RBM19: variants seen among roughly 807,000 people sequenced by gnomAD.
The protein encoded by RBM19 is RNA binding motif protein 19.
Under a neutral mutation model 116.8 loss-of-function variants are expected in RBM19, and 94 were observed. That is an observed-to-expected ratio of 0.80 (90% CI 0.68 to 0.95). The LOEUF is 0.95. RBM19 is among the 40% of genes least tolerant of loss of function. RBM19 has a pLI of 0.00. For synonymous variants in RBM19, 475 were observed against 494.1 expected, an observed-to-expected ratio of 0.96 and a Z score of 0.51; for missense variants, 1,161 against 1,220.7, an observed-to-expected ratio of 0.95 and a Z score of 0.73.
intron 21 of RBM19, among the ~76,000 whole-genome samples, chr12:113,912,756 G>A (rs1882518688): frequency 6.6e-6 from 1 of 152,168 alleles, no homozygotes; most frequent in Admixed American, 6.5e-5. Flanking sequence ...CTGCCCAAAT[G>A]GACCAGCTTG....
intron 16 of RBM19, among the ~76,000 whole-genome samples, chr12:113,933,192 A>C (rs1234156892): frequency 6.6e-6 from 1 of 151,880 alleles, no homozygotes; most frequent in East Asian, 1.9e-4. Flanking sequence ...TAAAATAAAA[A>C]AAAAAAGGTA....
Position 113,831,526 on chromosome 12 carries a change from C to T in RBM19, c.2786-8205G>A, listed in dbSNP as rs547708015. On this transcript the variant is annotated intron_variant, in intron 23 of 23. Coordinates refer to ENST00000261741, the MANE Select transcript of RBM19 (RefSeq NM_016196.4). ...GGCCCAGCCCCTGCCCCTCCCAAGT[C>T]GCTCTGAAATTCTCCTTCTGTCAGT... is the stretch of plus-strand genomic sequence containing the variant. 1.5e-4 allele frequency among the ~76,000 whole-genome samples: 23 copies of T among 152,288 alleles called. 1 individual carries two copies. The South Asian group carries it at 3.9e-3, about 26-fold the overall frequency.
At chr12:113,942,828 C>T (rs766455125) in intron 13 of RBM19, among the ~76,000 whole-genome samples, 1 of 152,172 alleles carries the variant, frequency 6.6e-6, no homozygotes, top group South Asian at 2.1e-4. Context: ...CCAGGCTGAT[C>T]TTGAACTGCT....
At chr12:113,852,041 A>G (rs1373152139) in intron 22 of RBM19, among the ~76,000 whole-genome samples, 1 of 112,064 alleles carries the variant, frequency 8.9e-6, no homozygotes, top group Admixed American at 1.1e-4. Context: ...ACAGAACGAG[A>G]TTGTCTCAAA....
intron 13 of RBM19, among the ~76,000 whole-genome samples, chr12:113,943,517 T>C (rs1205775011): frequency 1.3e-5 from 2 of 151,968 alleles, no homozygotes; most frequent in Non-Finnish European, 2.9e-5. Context: ...ACATTGTGCA[T>C]ATGTTGAAAT....
Position 113,872,427 on chromosome 12 carries a change from C to A in RBM19, c.2559-13531G>T, listed in dbSNP as rs543075660. Among the ~76,000 whole-genome samples, 6 of 147,006 alleles carry A rather than the reference C, an allele frequency of 4.1e-5. No individual in the cohort carries two copies. In the South Asian group the frequency reaches 1.1e-3, roughly 28 times the overall value. On this transcript the variant is annotated intron_variant, in intron 21 of 23. Coordinates refer to ENST00000261741, the MANE Select transcript of RBM19 (RefSeq NM_016196.4). ...CAGCCCTCCGCCCGGCCAGCCGCCC[C>A]GTCTGGGAGGTGAGGGGCGCCTCTG...
chr12:113,952,599 A>C lies in RBM19; in HGVS notation c.922-9T>G. 1 of 1,613,140 alleles carries C rather than the reference A, an allele frequency of 6.2e-7. No individual in the cohort carries two copies. The highest frequency in any genetic ancestry group is 1.3e-5 in the African/African-American group (1 of 75,018). On this transcript the variant is annotated splice_polypyrimidine_tract_variant and intron_variant, in intron 7 of 23. Coordinates refer to ENST00000261741, the MANE Select transcript of RBM19 (RefSeq NM_016196.4). Reference sequence around the variant, plus strand: ...AATTCCATAACATTTTTCTGTGAGAAGAAGTTTTTTTCCCCTTACCAACCA... The same window carrying C: ...AATTCCATAACATTTTTCTGTGAGACGAAGTTTTTTTCCCCTTACCAACCA...
rs370314715 is a variant in RBM19 at position 113,937,051 on chromosome 12, G to A, written c.2024C>T (p.Thr675Ile). The change falls in exon 16 of 24, where the codon ACA becomes ATA. Residue 675 changes from threonine to isoleucine, a missense_variant. By Grantham distance (89) the Thr-to-Ile change is moderately conservative (BLOSUM62 -1). Transcript: ENST00000261741. ...GTCCTTTTCCATGGGTTCTGAAGGT[G>A]TGTCTTGGAGCTTTTTCTTCTGTGG... The part of the protein sequence containing the change: ...TAPQKKKLQD[T>I]PSEPMEKDPA... 9.3e-6 allele frequency: 15 copies of A among 1,614,032 alleles called. No homozygotes were observed. The highest frequency in any genetic ancestry group is 1.2e-5 in the Non-Finnish European group (14 of 1,180,026).
intron 21 of RBM19, among the ~76,000 whole-genome samples, chr12:113,908,980 C>T (rs1360807407): frequency 1.3e-5 from 2 of 152,190 alleles, no homozygotes; most frequent in African/African-American, 4.8e-5. Flanking sequence ...TAAGCAACCA[C>T]ATGGAGCAGT....
At chr12:113,946,319 G>T (rs752557335) in intron 12 of RBM19, 35 bp downstream of exon 12, 1 of 1,613,956 alleles carries the variant, frequency 6.2e-7, no homozygotes, top group Non-Finnish European at 8.5e-7. Context: ...AGAGGGTTGG[G>T]GTTGGAGCTC....
intron 21 of RBM19, among the ~76,000 whole-genome samples, chr12:113,907,081 T>C (rs1343529556): frequency 6.6e-6 from 1 of 152,100 alleles, no homozygotes; most frequent in East Asian, 1.9e-4. Flanking sequence ...TGCCCACACC[T>C]TGAACTGGGA....
chr12:113,860,128 C>T (rs561190601), intron 21 of RBM19, among the ~76,000 whole-genome samples: 6 of 152,286 alleles, frequency 3.9e-5, no homozygotes, highest in South Asian at 2.1e-4. Context: ...GTGCAGGCAA[C>T]GAGAAACGGC....
Position 113,962,339 on chromosome 12 carries a change from C to A in RBM19, c.112G>T (p.Asp38Tyr). Residue 38 changes from aspartate (D) to tyrosine (Y), a missense_variant, in exon 2 of 24, where the codon GAT (aspartate) becomes TAT (tyrosine). By Grantham distance (160) the Asp-to-Tyr change is radical. Coordinates refer to ENST00000261741, the MANE Select transcript of RBM19 (RefSeq NM_016196.4). ...LTDCSLKFTK[D>Y]GKFRKFGFIG... ...AAACCAAACTTGCGGAACTTGCCAT[C>A]TTTGGTGAACTTCAGGCTGCAGTCT... The A allele has an allele frequency of 6.2e-7, 1 of 1,614,214 alleles. No homozygotes were observed. The highest frequency in any genetic ancestry group is 8.5e-7 in the Non-Finnish European group (1 of 1,180,028).
At chr12:113,931,398 T>G (rs1015421469) in intron 16 of RBM19, among the ~76,000 whole-genome samples, 4 of 152,114 alleles carry the variant, frequency 2.6e-5, no homozygotes, top group Admixed American at 2.0e-4. Context: ...GTGGCTGGTG[T>G]GCTTCGAAGG....
At chr12:113,941,642 ATATTC>A (rs1870584621) in intron 14 of RBM19, among the ~76,000 whole-genome samples, 1 of 140,230 alleles carries the variant, frequency 7.1e-6, no homozygotes, top group Non-Finnish European at 1.5e-5. Flanking sequence ...TCCACCATCC[ATATTC>A]ATCCTCCATC....
At chr12:113,895,276 T>C (rs1399539752) in intron 21 of RBM19, among the ~76,000 whole-genome samples, 2 of 152,124 alleles carry the variant, frequency 1.3e-5, no homozygotes, top group Non-Finnish European at 2.9e-5. Flanking sequence ...CTCATCTTGG[T>C]TGGGCGGGAG....
At chr12:113,951,151 C>T (rs1479557025) in intron 8 of RBM19, among the ~76,000 whole-genome samples, 1 of 152,180 alleles carries the variant, frequency 6.6e-6, no homozygotes, top group Non-Finnish European at 1.5e-5. Context: ...CCTACTTCAG[C>T]CTCCTGAGTA....
chr12:113,955,257 G>A, intron 6 of RBM19, 46 bp from the exon 7 acceptor site: 8 of 1,568,592 alleles, frequency 5.1e-6, no homozygotes, highest in South Asian at 4.4e-5. Flanking sequence ...CTAACCCTTC[G>A]TACAGCTGCA....
downstream of RBM19, chr12:113,817,250 T>C (rs1274367790): frequency 6.6e-6 from 1 of 152,272 alleles, no homozygotes; most frequent in Non-Finnish European, 1.5e-5. Flanking sequence ...AGAGCCTGCG[T>C]CCACGCAGCA....
Sources: allele counts gnomAD v4.1 joint callset (sites outside exome capture counted in the v4.1 genomes callset), GRCh38; gene constraint gnomAD v4.1.1; transcripts MANE v1.5; gene names NCBI Gene and HGNC (gene_info 2026-07-23, HGNC 2026-07-21).